Variants in AMACR observed in about 807,000 individuals in gnomAD.
AMACR encodes the protein 2-methylacyl-CoA racemase.
In AMACR, 18 loss-of-function variants were observed where a neutral mutation model predicts 22.2. The observed-to-expected ratio is 0.81, with a 90% CI of 0.56 to 1.20. The LOEUF (loss-of-function observed/expected upper bound fraction) is 1.20, where lower values mean the gene tolerates loss of function less well. AMACR is among the 50% of genes most tolerant of loss of function. The pLI is 0.00. For synonymous variants in AMACR, 213 were observed against 191.3 expected, an observed-to-expected ratio of 1.11 and a Z score of -0.94; for missense variants, 499 against 490.6, an observed-to-expected ratio of 1.02 and a Z score of -0.16.
intron 3 of AMACR, among the ~76,000 whole-genome samples, chr5:34,003,066 A>T (rs1183002897): frequency 6.6e-6 from 1 of 152,234 alleles, no homozygotes; most frequent in Non-Finnish European, 1.5e-5. Flanking sequence ...GTATCCACCA[A>T]CATTTGACCC....
At chr5:34,007,735 G>A in intron 1 of AMACR, 38 bp downstream of exon 1, 1 of 1,520,136 alleles carries the variant, frequency 6.6e-7, no homozygotes, top group Non-Finnish European at 8.8e-7. Context: ...CCCCTCCGCG[G>A]GAACTTCCCG....
At chr5:33,996,906 A>G (rs1025414936) in intron 4 of AMACR, 1 of 411,612 alleles carries the variant, frequency 2.4e-6, no homozygotes, top group Admixed American at 4.0e-5. Flanking sequence ...TAAGAAAATC[A>G]TTAAACAAAC....
chr5:34,002,355 G>C (rs1490739581), intron 3 of AMACR, among the ~76,000 whole-genome samples: 1 of 152,234 alleles, frequency 6.6e-6, no homozygotes, highest in Non-Finnish European at 1.5e-5. Flanking sequence ...GCTGAAAGCA[G>C]CAATCACCTT....
intron 2 of AMACR, among the ~76,000 whole-genome samples, chr5:34,005,364 A>G (rs1389608288): frequency 1.3e-5 from 2 of 152,160 alleles, no homozygotes; most frequent in Non-Finnish European, 2.9e-5. Context: ...GATTCTCAAT[A>G]TGGTGGGTGG....
chr5:33,998,431 A>G (rs1167782377), intron 4 of AMACR, among the ~76,000 whole-genome samples: 1 of 152,144 alleles, frequency 6.6e-6, no homozygotes, highest in Non-Finnish European at 1.5e-5. Flanking sequence ...ATTATTTTTA[A>G]AACCCTCAGC....
intron 4 of AMACR, among the ~76,000 whole-genome samples, chr5:33,994,943 C>T (rs1302426778): frequency 6.6e-6 from 1 of 152,222 alleles, no homozygotes; most frequent in Non-Finnish European, 1.5e-5. Context: ...GAGCACTCCA[C>T]ACATACAGCA....
In AMACR at chr5:33,988,521, T is replaced by C. The variant is rs1385340770; in HGVS notation, c.*572A>G. 2 of 1,400,420 alleles carry C rather than the reference T, an allele frequency of 1.4e-6. No individual in the cohort carries two copies. The highest frequency in any genetic ancestry group is 2.6e-5 in the East Asian group (1 of 38,718). 86.7% of individuals were successfully genotyped at this position (1,400,420 alleles called of 1,614,324 possible). The stretch of plus-strand genomic sequence containing the variant: ...CATTTCCTCATTATTTTGGATATGT[T>C]TTTTTCAGTTGAAGGCATTCTGATT... On this transcript the variant is annotated 3_prime_UTR_variant, in exon 5 of 5. Coordinates refer to ENST00000335606, the MANE Select transcript of AMACR (RefSeq NM_014324.6).
chr5:33,993,383 C>T (rs1753541792), intron 4 of AMACR, among the ~76,000 whole-genome samples: 1 of 152,084 alleles, frequency 6.6e-6, no homozygotes, highest in African/African-American at 2.4e-5. Flanking sequence ...TCACTATGAA[C>T]ACAGATATAC....
chr5:33,991,695 A>G (rs1001054722), intron 4 of AMACR, among the ~76,000 whole-genome samples: 6 of 150,704 alleles, frequency 4.0e-5, no homozygotes, highest in African/African-American at 1.2e-4. Context: ...ATTCAATGAT[A>G]TATGTCCAGG....
At chr5:33,991,726 T>TTTATTGTTA (rs1554005035) in intron 4 of AMACR, among the ~76,000 whole-genome samples, 1 of 145,192 alleles carries the variant, frequency 6.9e-6, no homozygotes, top group Non-Finnish European at 1.5e-5. Context: ...TAAACACTAT[T>TTTATTGTTA]TTATTATTAT....
In AMACR at chr5:34,007,958, G is replaced by A. The variant is rs907208319; in HGVS notation, c.62C>T (p.Ala21Val). 2.5e-6 allele frequency: 4 copies of A among 1,611,520 alleles called. No homozygotes were observed. Among genetic ancestry groups the A allele is most frequent in the Non-Finnish European group, 3.4e-6 (4 of 1,179,610 alleles). Reference sequence around the variant, plus strand: ...CGCCCCGAAGTCAGCCAGGACCATAGCACAGAACGGGCCCGGGGCCAGGCC... The same window carrying A: ...CGCCCCGAAGTCAGCCAGGACCATAACACAGAACGGGCCCGGGGCCAGGCC... ...LSGLAPGPFC[A>V]MVLADFGARV... The change falls in exon 1 of 5, where the codon GCT becomes GTT. Residue 21 changes from alanine to valine, a missense_variant. Coordinates refer to ENST00000335606, the MANE Select transcript of AMACR (RefSeq NM_014324.6).
chr5:33,991,200 A>C (rs1408882663), intron 4 of AMACR, among the ~76,000 whole-genome samples: 1 of 152,148 alleles, frequency 6.6e-6, no homozygotes, highest in Non-Finnish European at 1.5e-5. Flanking sequence ...AAAATACTAG[A>C]AATCAAAAGC....
intron 3 of AMACR, among the ~76,000 whole-genome samples, chr5:34,001,653 A>T (rs1753822768): frequency 6.6e-6 from 1 of 152,262 alleles, no homozygotes; most frequent in South Asian, 2.1e-4. Context: ...GTGTAAATAC[A>T]GCAAAACGCA....
intron 4 of AMACR, chr5:33,997,208 C>T (rs1753666010): frequency 1.3e-6 from 1 of 763,090 alleles, no homozygotes; most frequent in South Asian, 1.4e-5. Flanking sequence ...TGAGAGCTGT[C>T]ACCAGCATTA....
rs769787979 is a variant in AMACR, at chr5:34,004,715, G to A, written c.411C>T (p.Gly137=). The A allele has an allele frequency of 6.2e-7, 1 of 1,614,158 alleles. No homozygotes were observed. The highest frequency in any genetic ancestry group is 2.2e-5 in the East Asian group (1 of 44,886). Reference sequence around the variant, plus strand: ...GGGCATACGGATTCTCACCACTTCTGCCAATTTTTGAGAGAACACCTACAT... The same window carrying A: ...GGGCATACGGATTCTCACCACTTCTACCAATTTTTGAGAGAACACCTACAT... ...LALSGVLSKI[G]RSGENPYAPL... is the part of the protein sequence containing the mutation. The change falls in exon 3 of 5, where the codon GGC becomes GGT. Residue 137 remains glycine (G), a synonymous_variant. Transcript: ENST00000335606.
Position 33,998,628 on chromosome 5 carries a change from G to A in AMACR, c.739+13C>T. 1 of 1,595,482 alleles carries A rather than the reference G, an allele frequency of 6.3e-7. No homozygotes were observed. On this transcript the variant is annotated intron_variant, in intron 4 of 4. Transcript: ENST00000335606. ...AAAAGGGGAACTGGGGGAGACGCGT[G>A]AAGTTCACTTACCTTTGATCAGCAG...
Position 33,988,066 on chromosome 5 carries a change from T to C in AMACR, c.*1027A>G, listed in dbSNP as rs1561378823. The C allele has an allele frequency of 3.9e-5, 15 of 384,102 alleles. No individual in the cohort carries two copies. In the South Asian group the frequency reaches 4.7e-4, roughly 12 times the overall value. The allele number at this position is 384,102 out of a possible 1,614,324, so 23.8% of individuals were successfully genotyped here. A position where few individuals can be genotyped will look rare whatever the true frequency, so the allele number is the denominator to read the frequency against. On this transcript the variant is annotated 3_prime_UTR_variant, in exon 5 of 5. Transcript: ENST00000335606. Reference sequence around the variant, plus strand: ...GAGATACTGCGCAGAATGGACCTTATTGATGGCCTACCCAACATCCATTCT... The same window carrying C: ...GAGATACTGCGCAGAATGGACCTTACTGATGGCCTACCCAACATCCATTCT...
chr5:33,994,868 CTT>C (rs1449152396), intron 4 of AMACR, among the ~76,000 whole-genome samples: 11 of 152,148 alleles, frequency 7.2e-5, no homozygotes, highest in Admixed American at 7.2e-4. Context: ...AAAATGTTGT[CTT>C]GTTTCATTTT....
At chr5:34,006,487 T>C (rs1253775553) in intron 1 of AMACR, among the ~76,000 whole-genome samples, 1 of 152,188 alleles carries the variant, frequency 6.6e-6, no homozygotes, top group Admixed American at 6.5e-5. Context: ...TTTCCTGGGA[T>C]TAAAAGTAAT....
Sources: allele counts gnomAD v4.1 joint callset (sites outside exome capture counted in the v4.1 genomes callset), GRCh38; gene constraint gnomAD v4.1.1; transcripts MANE v1.5; gene names NCBI Gene and HGNC (gene_info 2026-07-23, HGNC 2026-07-21).